AFDN: variants seen among roughly 807,000 people sequenced by gnomAD.
AFDN encodes afadin, adherens junction formation factor.
AFDN carries 68 observed loss-of-function variants against 216.6 expected under a neutral mutation model. The ratio of observed to expected loss-of-function variants is 0.31; its 90% confidence interval spans 0.26 to 0.38. The LOEUF (loss-of-function observed/expected upper bound fraction) is 0.38. Ranked by LOEUF, AFDN falls within the 10% of genes least tolerant of loss-of-function variation. The pLI is 1.00. For synonymous variants in AFDN, 868 were observed against 853.7 expected (o/e 1.02, Z -0.29); for missense variants, 2,136 against 2,342.0 (o/e 0.91, Z 1.82).
At chr6:167,960,694 C>G (rs865850556) in intron 30 of AFDN, among the ~76,000 whole-genome samples, 1 of 152,212 alleles carries the variant, frequency 6.6e-6, no homozygotes, top group African/African-American at 2.4e-5. Context: ...CCCCTGAAAT[C>G]CTTGCTGAAC....
In AFDN at chr6:167,851,609, C is replaced by T. The variant is rs149396919; in HGVS notation, c.106-12942C>T. Among the ~76,000 whole-genome samples, 297 of 152,304 alleles carry T rather than the reference C, an allele frequency of 2.0e-3. 1 individual carries two copies. Among genetic ancestry groups the T allele is most frequent in the Middle Eastern group, 0.01 (3 of 294 alleles). ...TGTGAATCAGTTAGTAACCACCAAA[C>T]CCTGTGAAATAGTAGCCCCTCCACT... On this transcript the variant is annotated intron_variant, in intron 1 of 33. Coordinates refer to ENST00000683244, the MANE Select transcript of AFDN (RefSeq NM_001386888.1).
intron 30 of AFDN, among the ~76,000 whole-genome samples, chr6:167,958,965 C>T (rs565687765): frequency 6.6e-6 from 1 of 152,348 alleles, no homozygotes; most frequent in South Asian, 2.1e-4. Context: ...AGTGCATCTT[C>T]AGGAAGTCTC....
chr6:167,936,904 A>G (rs994227883), intron 23 of AFDN, among the ~76,000 whole-genome samples: 1 of 152,218 alleles, frequency 6.6e-6, no homozygotes, highest in African/African-American at 2.4e-5. Flanking sequence ...GAGTTCTTTC[A>G]TCTCTGGGTA....
intron 19 of AFDN, 30 bp from the exon 20 acceptor site, chr6:167,917,059 A>T: frequency 6.3e-7 from 1 of 1,595,718 alleles, no homozygotes; most frequent in Non-Finnish European, 8.6e-7. Context: ...TACAAGTGTG[A>T]TATTTTATGT....
In AFDN at chr6:167,864,666, C is replaced by T. The variant is rs369982894; in HGVS notation, c.221C>T (p.Thr74Met). Residue 74 changes from threonine (T) to methionine (M), a missense_variant, in exon 2 of 34, where the codon ACG becomes ATG. Thr to Met is a moderately conservative substitution (Grantham distance 81). Coordinates refer to ENST00000683244, the MANE Select transcript of AFDN (RefSeq NM_001386888.1). ...STATTQDVIETLAEKFRPDMR... is the reference protein window; with the variant it reads ...STATTQDVIEMLAEKFRPDMR... ...GCCACCACTCAAGATGTAATCGAAA[C>T]GCTCGCGGAGAAATTTCGACCTGAT... 9 of 1,614,138 alleles carry T rather than the reference C, an allele frequency of 5.6e-6. No individual in the cohort carries two copies. Among genetic ancestry groups the T allele is most frequent in the South Asian group, 1.1e-5 (1 of 91,076 alleles).
At chr6:167,954,922 G>GGT (rs1379738637) in intron 30 of AFDN, among the ~76,000 whole-genome samples, 1 of 152,050 alleles carries the variant, frequency 6.6e-6, no homozygotes, top group East Asian at 1.9e-4. Flanking sequence ...ACTGTCTGTT[G>GGT]GTAGAGTAAG....
chr6:167,845,105 G>A (rs1278382794), intron 1 of AFDN, among the ~76,000 whole-genome samples: 1 of 151,994 alleles, frequency 6.6e-6, no homozygotes, highest in African/African-American at 2.4e-5. Flanking sequence ...CAAATGGTCT[G>A]CCTGCCTTGG....
At chr6:167,967,518 C>T (rs1200729089) in intron 32 of AFDN, among the ~76,000 whole-genome samples, 1 of 152,150 alleles carries the variant, frequency 6.6e-6, no homozygotes, top group Non-Finnish European at 1.5e-5. Flanking sequence ...AATTTTGAAG[C>T]AGGATGCCAT....
intron 10 of AFDN, 123 bp from the exon 11 acceptor site, chr6:167,898,082 C>G (rs1395463554): frequency 9.1e-7 from 1 of 1,094,218 alleles, no homozygotes; most frequent in Non-Finnish European, 1.3e-6. Flanking sequence ...TTAAAAGGCA[C>G]TAAAAATCCA....
In AFDN at chr6:167,962,849, C is replaced by T. The variant is rs1562349928; in HGVS notation, c.4968+282C>T. ...GCAGTGAGCCTCTTTGCAAAGGGTTCGTTTCCTCGGGCACTCATCTTTACT... is the reference window on the plus strand; with the variant it reads ...GCAGTGAGCCTCTTTGCAAAGGGTTTGTTTCCTCGGGCACTCATCTTTACT... On this transcript the variant is annotated intron_variant, in intron 31 of 33. Coordinates refer to ENST00000683244, the MANE Select transcript of AFDN (RefSeq NM_001386888.1). The surrounding 1 kb of genome is among the most constrained non-coding windows in gnomAD (Gnocchi z 5.2). 2.4e-6 allele frequency: 3 copies of T among 1,247,768 alleles called. No individual in the cohort carries two copies. The highest frequency in any genetic ancestry group is 3.0e-6 in the Non-Finnish European group (3 of 988,452). The allele number at this position is 1,247,768 out of a possible 1,614,324, so 77.3% of individuals were successfully genotyped here.
chr6:167,956,111 G>A (rs1796477057), intron 30 of AFDN, among the ~76,000 whole-genome samples: 1 of 54,356 alleles, frequency 1.8e-5, no homozygotes, highest in Non-Finnish European at 3.6e-5. Context: ...CGAGACTTTG[G>A]CTCAAAAAAA....
At chr6:167,846,713 G>GT (rs150717891) in intron 1 of AFDN, among the ~76,000 whole-genome samples, 1,369 of 105,050 alleles carry the variant, frequency 0.013, 11 homozygotes, top group African/African-American at 0.023. Flanking sequence ...AAACCAAGTT[G>GT]TTTTTTTTTT....
intron 1 of AFDN, among the ~76,000 whole-genome samples, chr6:167,855,734 A>G (rs1430043637): frequency 6.6e-6 from 1 of 152,140 alleles, no homozygotes; most frequent in African/African-American, 2.4e-5. Flanking sequence ...TACACCAAAT[A>G]GTGACCTGAA....
intron 23 of AFDN, among the ~76,000 whole-genome samples, chr6:167,934,845 A>C (rs1313722944): frequency 6.6e-6 from 1 of 152,182 alleles, no homozygotes; most frequent in Admixed American, 6.5e-5. Flanking sequence ...TGGGGAGACT[A>C]CCTACACTTC....
At chr6:167,845,288 T>C (rs1781535358) in intron 1 of AFDN, among the ~76,000 whole-genome samples, 1 of 152,268 alleles carries the variant, frequency 6.6e-6, no homozygotes. Flanking sequence ...ATAAACATTT[T>C]GATGTTTTAC....
At chr6:167,945,796 AGAATC>A (rs1370760468) in intron 26 of AFDN, among the ~76,000 whole-genome samples, 2 of 152,246 alleles carry the variant, frequency 1.3e-5, no homozygotes, top group Non-Finnish European at 2.9e-5. Flanking sequence ...TACATCAAAA[AGAATC>A]TCAGGATAAA....
intron 22 of AFDN, 163 bp downstream of exon 22, chr6:167,923,122 A>G: frequency 1.8e-6 from 1 of 549,486 alleles, no homozygotes; most frequent in East Asian, 3.2e-5. Flanking sequence ...ATTCATATAT[A>G]TGTATTTTTT....
intron 26 of AFDN, among the ~76,000 whole-genome samples, 170 bp from the exon 27 acceptor site, chr6:167,946,537 T>C (rs1795284365): frequency 6.6e-6 from 1 of 151,704 alleles, no homozygotes; most frequent in Admixed American, 6.6e-5. Flanking sequence ...AGTAAAAATA[T>C]TTTCTTTATT....
intron 23 of AFDN, among the ~76,000 whole-genome samples, chr6:167,942,193 C>G (rs1216627765): frequency 6.6e-6 from 1 of 152,142 alleles, no homozygotes; most frequent in Admixed American, 6.5e-5. Context: ...GGGACAAATG[C>G]GAGTGGTTTC....
Sources: gnomAD v4.1 joint callset for allele counts (sites outside exome capture counted in the v4.1 genomes callset) on GRCh38, gnomAD v4.1.1 for gene constraint, Gnocchi (gnomAD v3.1) non-coding constraint, MANE v1.5 for transcripts, NCBI Gene and HGNC (gene_info 2026-07-23, HGNC 2026-07-21) for gene names.